LAMA2: variants seen among roughly 807,000 people sequenced by gnomAD.
LAMA2 encodes the protein laminin subunit alpha 2.
Under a neutral mutation model 364.8 loss-of-function variants are expected in LAMA2, and 269 were observed. That is an observed-to-expected ratio of 0.74 (90% CI 0.67 to 0.82). The LOEUF (loss-of-function observed/expected upper bound fraction) is 0.82. Among genes scored for constraint, LAMA2 ranks in the 40% least tolerant of loss-of-function variants. The probability of loss-of-function intolerance (pLI) is 0.00; values close to 1 mark genes in which losing one functional copy is unlikely to be tolerated. For synonymous variants in LAMA2, 1,379 were observed against 1,370.6 expected, an observed-to-expected ratio of 1.01 and a Z score of -0.14; for missense variants, 3,807 against 3,873.2, an observed-to-expected ratio of 0.98 and a Z score of 0.45.
chr6:129,451,895 A>C (rs1782694551), intron 45 of LAMA2, among the ~76,000 whole-genome samples: 1 of 152,198 alleles, frequency 6.6e-6, no homozygotes, highest in African/African-American at 2.4e-5. Context: ...GGGAGTCTGC[A>C]CAGCCCTTTC....
intron 28 of LAMA2, among the ~76,000 whole-genome samples, chr6:129,327,442 G>T (rs550498690): frequency 1.3e-5 from 2 of 152,150 alleles, no homozygotes; most frequent in East Asian, 3.9e-4. Flanking sequence ...TGGTAAAATA[G>T]TCCCCTTGTA....
chr6:129,516,480 G>A lies in LAMA2; in HGVS notation c.*133G>A, dbSNP rs1252920774. On this transcript the variant is annotated 3_prime_UTR_variant, in exon 65 of 65. Transcript: ENST00000421865. Reference sequence around the variant, plus strand: ...CATAGAATTCTTTCTGTATTCAGATGGTGCTAATTCAGACTCCAGACTGAA... The same window carrying A: ...CATAGAATTCTTTCTGTATTCAGATAGTGCTAATTCAGACTCCAGACTGAA... The A allele has an allele frequency of 3.3e-6, 3 of 900,770 alleles. No homozygotes were observed. The highest frequency in any genetic ancestry group is 5.3e-6 in the Non-Finnish European group (3 of 562,814). The allele number at this position is 900,770 out of a possible 1,614,324, so 55.8% of individuals were successfully genotyped here. A position where few individuals can be genotyped will look rare whatever the true frequency, so the allele number is the denominator to read the frequency against.
intron 1 of LAMA2, among the ~76,000 whole-genome samples, chr6:128,986,827 T>C (rs978073125): frequency 1.5e-4 from 23 of 152,132 alleles, no homozygotes; most frequent in Non-Finnish European, 2.5e-4. Context: ...ATTTTAAATA[T>C]TTGTTTTATA....
intron 12 of LAMA2, among the ~76,000 whole-genome samples, chr6:129,213,271 T>C (rs1291627527): frequency 6.6e-6 from 1 of 152,218 alleles, no homozygotes; most frequent in African/African-American, 2.4e-5. Flanking sequence ...GAATTATCCA[T>C]TTACCTCCTG....
intron 9 of LAMA2, among the ~76,000 whole-genome samples, chr6:129,171,335 G>A (rs1200817985): frequency 2.0e-5 from 3 of 152,108 alleles, no homozygotes; most frequent in Non-Finnish European, 4.4e-5. Flanking sequence ...TCCATGTTTA[G>A]TGCTTCCTTC....
intron 22 of LAMA2, among the ~76,000 whole-genome samples, chr6:129,301,287 T>C (rs891824182): frequency 2.0e-5 from 3 of 152,082 alleles, no homozygotes; most frequent in Admixed American, 6.6e-5. Flanking sequence ...TTCTGAAGAG[T>C]CATTTTAACA....
intron 37 of LAMA2, among the ~76,000 whole-genome samples, chr6:129,393,993 CT>C (rs563101592): frequency 3.7e-4 from 56 of 152,334 alleles, no homozygotes; most frequent in African/African-American, 1.2e-3. Context: ...CAGCCTCTAT[CT>C]TTTTAAGAGT....
intron 15 of LAMA2, among the ~76,000 whole-genome samples, chr6:129,264,814 G>A (rs1417274636): frequency 6.6e-6 from 1 of 152,154 alleles, no homozygotes; most frequent in Non-Finnish European, 1.5e-5. Context: ...TGGCTGCATG[G>A]AATTTGGTGA....
chr6:128,890,059 C>A (rs1468011850), intron 1 of LAMA2, among the ~76,000 whole-genome samples: 1 of 152,098 alleles, frequency 6.6e-6, no homozygotes, highest in African/African-American at 2.4e-5. Flanking sequence ...AGGAAATGTA[C>A]CTTGTGCAAT....
At chr6:129,015,839 T>G (rs924564506) in intron 1 of LAMA2, among the ~76,000 whole-genome samples, 6 of 152,094 alleles carry the variant, frequency 3.9e-5, no homozygotes, top group African/African-American at 1.4e-4. Context: ...CTCTTCTGGC[T>G]TTTAACTGTA....
chr6:128,893,182 A>G (rs1228200964), intron 1 of LAMA2, among the ~76,000 whole-genome samples: 2 of 151,924 alleles, frequency 1.3e-5, no homozygotes, highest in East Asian at 3.9e-4. Context: ...TCAATTTTCC[A>G]TCTAAAAAAT....
chr6:129,054,483 C>T (rs1788324929), intron 2 of LAMA2, among the ~76,000 whole-genome samples: 3 of 151,878 alleles, frequency 2.0e-5, no homozygotes, highest in Non-Finnish European at 4.4e-5. Flanking sequence ...TGAGAAAGCC[C>T]AGGGGCATGA....
At chr6:129,069,823 T>C (rs1338181457) in intron 3 of LAMA2, among the ~76,000 whole-genome samples, 3 of 144,418 alleles carry the variant, frequency 2.1e-5, no homozygotes, top group African/African-American at 7.4e-5. Context: ...TAAATAATAT[T>C]GTATAATATA....
chr6:128,919,228 T>C (rs1217015760), intron 1 of LAMA2, among the ~76,000 whole-genome samples: 1 of 152,206 alleles, frequency 6.6e-6, no homozygotes, highest in Non-Finnish European at 1.5e-5. Context: ...ATTGTTTCCC[T>C]CTTTGTATGT....
Position 129,369,995 on chromosome 6 carries a change from G to A in LAMA2, c.4959+5G>A. On this transcript the variant is annotated splice_donor_5th_base_variant and intron_variant, in intron 34 of 64. Coordinates refer to ENST00000421865, the MANE Select transcript of LAMA2 (RefSeq NM_000426.4). ...ATGAACGAGCTGCTGACCAGGGTAAGGTGGCAAAATTATGAATCTTCTGAA... is the reference window on the plus strand; with the variant it reads ...ATGAACGAGCTGCTGACCAGGGTAAAGTGGCAAAATTATGAATCTTCTGAA... The A allele has an allele frequency of 1.2e-6, 2 of 1,612,484 alleles. No individual in the cohort carries two copies. Among genetic ancestry groups the A allele is most frequent in the Non-Finnish European group, 1.7e-6 (2 of 1,178,584 alleles).
intron 32 of LAMA2, among the ~76,000 whole-genome samples, chr6:129,358,354 T>C (rs1480319347): frequency 6.6e-6 from 1 of 152,032 alleles, no homozygotes; most frequent in African/African-American, 2.4e-5. Flanking sequence ...TGAATTATCG[T>C]ATAGAGACAG....
intron 1 of LAMA2, among the ~76,000 whole-genome samples, chr6:129,032,836 A>G (rs151285649): frequency 6.6e-6 from 1 of 152,332 alleles, no homozygotes; most frequent in African/African-American, 2.4e-5. Flanking sequence ...AATGGCATCA[A>G]TAACGACTCC....
intron 37 of LAMA2, among the ~76,000 whole-genome samples, chr6:129,400,860 A>G (rs954907649): frequency 1.3e-5 from 2 of 152,242 alleles, no homozygotes; most frequent in East Asian, 3.8e-4. Context: ...ACTCATTTGT[A>G]TATAGATTCT....
intron 1 of LAMA2, among the ~76,000 whole-genome samples, chr6:128,993,820 G>A (rs1043086514): frequency 1.3e-5 from 2 of 152,072 alleles, no homozygotes; most frequent in Non-Finnish European, 2.9e-5. Flanking sequence ...AATATATGCA[G>A]AAGAAAAATT....
Sources: gnomAD v4.1 joint callset for allele counts (sites outside exome capture counted in the v4.1 genomes callset) on GRCh38, gnomAD v4.1.1 for gene constraint, MANE v1.5 for transcripts, NCBI Gene and HGNC (gene_info 2026-07-23, HGNC 2026-07-21) for gene names.